XKR9: variants seen among roughly 807,000 people sequenced by gnomAD.
XKR9 encodes the protein XK-related protein 9.
In XKR9, 32 loss-of-function variants were observed where a neutral mutation model predicts 32.0. The ratio of observed to expected loss-of-function variants is 1.00; its 90% CI spans 0.76 to 1.34. The LOEUF is 1.34. Among genes scored for constraint, XKR9 ranks in the 40% most tolerant of loss-of-function variants. The pLI is 0.00. For synonymous variants in XKR9, 168 were observed against 143.4 expected (o/e 1.17, Z -1.22); for missense variants, 546 against 429.7 (o/e 1.27, Z -2.39).
At chr8:71,027,789 G>T in the XKR9 span, among the ~76,000 whole-genome samples, 9 of 131,158 alleles carry the variant, frequency 6.9e-5, no homozygotes, top group Non-Finnish European at 1.0e-4. Context: ...CGGGGGGGGG[G>T]GGTCTCACTC....
chr8:70,674,465 T>G (rs1488089856), intron 1 of XKR9, among the ~76,000 whole-genome samples: 2 of 152,178 alleles, frequency 1.3e-5, no homozygotes, highest in Middle Eastern at 3.2e-3. Flanking sequence ...AGGTATAAGG[T>G]TGAAAAGTAG....
intron 3 of XKR9, among the ~76,000 whole-genome samples, chr8:70,703,860 T>G (rs1205189795): frequency 6.6e-6 from 1 of 152,158 alleles, no homozygotes; most frequent in African/African-American, 2.4e-5. Flanking sequence ...TGTTTTTCTT[T>G]TTTTTGGCCT....
chr8:70,717,504 C>T (rs1442933306), intron 4 of XKR9, among the ~76,000 whole-genome samples: 1 of 152,210 alleles, frequency 6.6e-6, no homozygotes, highest in Non-Finnish European at 1.5e-5. Context: ...CTTGTACCCT[C>T]TGAAGCAATG....
At chr8:70,702,304 A>T (rs770278505) in intron 3 of XKR9, among the ~76,000 whole-genome samples, 8 of 152,162 alleles carry the variant, frequency 5.3e-5, no homozygotes, top group Admixed American at 2.0e-4. Flanking sequence ...ATAGGATTAC[A>T]GTCTTTTTGC....
the XKR9 span, among the ~76,000 whole-genome samples, chr8:70,886,284 C>T: frequency 2.6e-5 from 4 of 152,208 alleles, no homozygotes; most frequent in Non-Finnish European, 5.9e-5. Context: ...TTAATCCAGT[C>T]TGTCATTGAT....
At chr8:70,791,114 C>A (rs1418464175), downstream of XKR9, among the ~76,000 whole-genome samples, 1 of 152,004 alleles carries the variant, frequency 6.6e-6, no homozygotes, top group Non-Finnish European at 1.5e-5. Flanking sequence ...CAGGCCATAG[C>A]AACAGCAGTA....
At chr8:71,054,491 A>G in the XKR9 span, among the ~76,000 whole-genome samples, 1 of 152,084 alleles carries the variant, frequency 6.6e-6, no homozygotes, top group Non-Finnish European at 1.5e-5. Context: ...GCTGACACTA[A>G]GGGTAGGAGC....
intron 4 of XKR9, among the ~76,000 whole-genome samples, chr8:70,715,731 T>G (rs1806065310): frequency 6.6e-6 from 1 of 152,140 alleles, no homozygotes; most frequent in Non-Finnish European, 1.5e-5. Flanking sequence ...AAAAGTAATG[T>G]ACTAAGGATA....
chr8:70,833,368 T>G, the XKR9 span, among the ~76,000 whole-genome samples: 2 of 152,304 alleles, frequency 1.3e-5, no homozygotes, highest in Admixed American at 1.3e-4. Flanking sequence ...TGTTTATTAG[T>G]ATTCAGATTT....
chr8:70,838,302 A>C, the XKR9 span, among the ~76,000 whole-genome samples: 1 of 152,044 alleles, frequency 6.6e-6, no homozygotes. Flanking sequence ...AGATGGTGAA[A>C]GTGAGGCTTA....
the XKR9 span, among the ~76,000 whole-genome samples, chr8:71,007,633 A>G: frequency 6.6e-6 from 1 of 152,286 alleles, no homozygotes; most frequent in African/African-American, 2.4e-5. Flanking sequence ...TTTGAGAAAT[A>G]ACAAGAAAAA....
the XKR9 span, among the ~76,000 whole-genome samples, chr8:70,900,554 A>G: frequency 6.6e-6 from 1 of 152,054 alleles, no homozygotes; most frequent in African/African-American, 2.4e-5. Flanking sequence ...ATGCCACTGT[A>G]CTCCAGCCTG....
the XKR9 span, among the ~76,000 whole-genome samples, chr8:70,956,991 G>T: frequency 1.3e-5 from 2 of 152,194 alleles, no homozygotes; most frequent in African/African-American, 4.8e-5. Context: ...CAGGACTCCT[G>T]CCTGTTCCCT....
the XKR9 span, among the ~76,000 whole-genome samples, chr8:70,953,828 G>A: frequency 6.6e-6 from 1 of 151,996 alleles, no homozygotes; most frequent in South Asian, 2.1e-4. Context: ...GGCTCTACCT[G>A]CCTCTTTCCC....
the XKR9 span, among the ~76,000 whole-genome samples, chr8:70,817,890 T>G: frequency 1.3e-5 from 2 of 152,196 alleles, no homozygotes; most frequent in Non-Finnish European, 2.9e-5. Context: ...TAAACGGTGC[T>G]GTGATAACTG....
the XKR9 span, among the ~76,000 whole-genome samples, chr8:70,852,715 G>A: frequency 6.6e-6 from 1 of 151,998 alleles, no homozygotes; most frequent in Non-Finnish European, 1.5e-5. Flanking sequence ...GGATGAAGCT[G>A]GAAATCATCA....
the XKR9 span, among the ~76,000 whole-genome samples, chr8:70,989,269 G>C: frequency 2.0e-5 from 3 of 152,054 alleles, no homozygotes; most frequent in African/African-American, 7.2e-5. Context: ...AAAATTTTAT[G>C]GTAAATTATG....
At chr8:70,994,281 A>G in the XKR9 span, among the ~76,000 whole-genome samples, 1 of 152,126 alleles carries the variant, frequency 6.6e-6, no homozygotes, top group Non-Finnish European at 1.5e-5. Flanking sequence ...GATTTCTTAA[A>G]GGACAGGTCT....
the XKR9 span, among the ~76,000 whole-genome samples, chr8:71,044,172 TA>T: frequency 3.3e-5 from 5 of 152,256 alleles, no homozygotes; most frequent in African/African-American, 1.2e-4. Flanking sequence ...TCACACATGC[TA>T]TATACATAGA....
Sources: allele counts gnomAD v4.1 joint callset (sites outside exome capture counted in the v4.1 genomes callset), GRCh38; gene constraint gnomAD v4.1.1; transcripts MANE v1.5; gene names NCBI Gene and HGNC (gene_info 2026-07-23, HGNC 2026-07-21).